The following CUBN variants were observed in gnomAD, a reference collection of about 807,000 sequenced individuals.
The protein encoded by CUBN is cubilin.
A neutral mutation model predicts 405.3 loss-of-function variants in CUBN; 282 were observed. The observed-to-expected ratio is 0.70, with a 90% CI of 0.63 to 0.77. CUBN has a LOEUF of 0.77. Ranked by LOEUF, CUBN falls within the 30% of genes least tolerant of loss-of-function variation. The pLI is 0.00. For missense variants in CUBN, 4,514 were observed against 4,475.2 expected, an observed-to-expected ratio of 1.01 and a Z score of -0.25; for synonymous variants, 1,684 against 1,617.0, an observed-to-expected ratio of 1.04 and a Z score of -0.99.
chr10:16,959,974 T>C (rs1843171324), intron 31 of CUBN, among the ~76,000 whole-genome samples: 2 of 152,220 alleles, frequency 1.3e-5, no homozygotes, highest in South Asian at 4.1e-4. Context: ...TTTGTACATG[T>C]CAACTAATTC....
At chr10:16,947,713 C>T (rs1037267806) in intron 35 of CUBN, among the ~76,000 whole-genome samples, 104 of 152,334 alleles carry the variant, frequency 6.8e-4, no homozygotes, top group Non-Finnish European at 1.2e-3. Context: ...TAGAACCCAA[C>T]GCAGCATGCT....
At chr10:16,874,293 G>T in intron 58 of CUBN, 81 bp downstream of exon 58, 1 of 1,400,412 alleles carries the variant, frequency 7.1e-7, no homozygotes, top group Non-Finnish European at 1.0e-6. Flanking sequence ...GAGAATCAGT[G>T]CCCTCCATCA....
At chr10:17,099,434 G>T (rs540115042) in intron 14 of CUBN, among the ~76,000 whole-genome samples, 3 of 152,282 alleles carry the variant, frequency 2.0e-5, no homozygotes, top group Non-Finnish European at 4.4e-5. Flanking sequence ...TAAAAAGGCT[G>T]TTCAGTAATT....
chr10:16,837,796 A>T (rs1275014564), intron 62 of CUBN, among the ~76,000 whole-genome samples: 1 of 151,894 alleles, frequency 6.6e-6, no homozygotes, highest in Non-Finnish European at 1.5e-5. Context: ...CCAGTCCGAA[A>T]CCCTTGATTG....
At chr10:17,114,322 T>A in intron 7 of CUBN, 133 bp from the exon 8 acceptor site, 1 of 872,496 alleles carries the variant, frequency 1.1e-6, no homozygotes, top group South Asian at 1.5e-5. Flanking sequence ...CTGGCTTCTC[T>A]TTTTCTTCCC....
chr10:16,858,067 C>T (rs1189765112), intron 59 of CUBN, among the ~76,000 whole-genome samples: 1 of 151,540 alleles, frequency 6.6e-6, no homozygotes, highest in Non-Finnish European at 1.5e-5. Flanking sequence ...ATAATCATTA[C>T]AAAAAAATGA....
chr10:17,028,698 G>C (rs1447441544), intron 27 of CUBN, among the ~76,000 whole-genome samples: 1 of 150,748 alleles, frequency 6.6e-6, no homozygotes, highest in Non-Finnish European at 1.5e-5. Flanking sequence ...TCAAGCCTGG[G>C]CAACAGAGTG....
chr10:16,898,425 G>T (rs1427800767), intron 54 of CUBN, among the ~76,000 whole-genome samples: 2 of 152,046 alleles, frequency 1.3e-5, no homozygotes, highest in African/African-American at 2.4e-5. Flanking sequence ...ATTTCCACTG[G>T]AAAGGCACAG....
At chr10:16,953,416 A>G (rs1486434543) in intron 32 of CUBN, among the ~76,000 whole-genome samples, 2 of 152,174 alleles carry the variant, frequency 1.3e-5, no homozygotes, top group Non-Finnish European at 2.9e-5. Context: ...ACTACAGAAT[A>G]TAAGCGAGTT....
chr10:17,019,912 G>A lies in CUBN; in HGVS notation c.4089C>T (p.Ser1363=). 1 of 1,614,150 alleles carries A rather than the reference G, an allele frequency of 6.2e-7. No individual in the cohort carries two copies. Among genetic ancestry groups the A allele is most frequent in the Non-Finnish European group, 8.5e-7 (1 of 1,179,996 alleles). The part of the protein sequence containing the change: ...VDLPPPGSTT[S]SKLQVLLLTD... ...TAAGGAGCAGCACTTGAAGCTTGGAGCTTGTAGTACTCCCTGGAGGGGGCA... is the reference window on the plus strand; with the variant it reads ...TAAGGAGCAGCACTTGAAGCTTGGAACTTGTAGTACTCCCTGGAGGGGGCA... Residue 1363 remains serine (S), a synonymous_variant, in exon 28 of 67, where the codon AGC becomes AGT. Coordinates refer to ENST00000377833, the MANE Select transcript of CUBN (RefSeq NM_001081.4).
chr10:16,968,176 T>C (rs1025346394), intron 31 of CUBN, among the ~76,000 whole-genome samples: 1 of 152,192 alleles, frequency 6.6e-6, no homozygotes, highest in Non-Finnish European at 1.5e-5. Context: ...ATCAGTGTTT[T>C]AAAAGGAAAC....
chr10:16,891,996 G>C (rs982902041), intron 54 of CUBN, among the ~76,000 whole-genome samples: 1 of 151,162 alleles, frequency 6.6e-6, no homozygotes, highest in Non-Finnish European at 1.5e-5. Context: ...TCTTCACATG[G>C]AATGATACCA....
At chr10:16,957,114 T>A (rs1373185553) in intron 31 of CUBN, among the ~76,000 whole-genome samples, 1 of 152,196 alleles carries the variant, frequency 6.6e-6, no homozygotes, top group Non-Finnish European at 1.5e-5. Context: ...CCTACTGTGT[T>A]ATAGAACATC....
At chr10:16,916,082 G>A (rs1253467305) in intron 45 of CUBN, 52 bp from the exon 46 acceptor site, 4 of 1,563,568 alleles carry the variant, frequency 2.6e-6, no homozygotes, top group African/African-American at 1.4e-5. Flanking sequence ...AAGCAAGAAA[G>A]ATTGATTCTA....
chr10:16,864,657 CTTTTTT>C (rs58100254), intron 59 of CUBN, among the ~76,000 whole-genome samples: 1 of 121,452 alleles, frequency 8.2e-6, no homozygotes, highest in South Asian at 2.7e-4. Flanking sequence ...TTTTTTCTTT[CTTTTTT>C]TTTTTTTTTT....
At chr10:16,830,298 G>A (rs1838944084) in intron 65 of CUBN, among the ~76,000 whole-genome samples, 1 of 152,122 alleles carries the variant, frequency 6.6e-6, no homozygotes, top group Non-Finnish European at 1.5e-5. Context: ...CTTCCTTTGG[G>A]TGCCAAGATT....
chr10:16,981,680 C>T (rs1188815646), intron 31 of CUBN, among the ~76,000 whole-genome samples: 2 of 152,132 alleles, frequency 1.3e-5, no homozygotes, highest in African/African-American at 4.8e-5. Context: ...GAGGGACCAG[C>T]CAGTTCTAGG....
At chr10:17,060,541 A>G (rs1231917004) in intron 22 of CUBN, among the ~76,000 whole-genome samples, 3 of 152,380 alleles carry the variant, frequency 2.0e-5, no homozygotes, top group Admixed American at 2.0e-4. Flanking sequence ...GAAATATAAC[A>G]AACAAGATAA....
At chr10:16,831,186 C>T (rs1838979260) in intron 65 of CUBN, 66 bp downstream of exon 65, 5 of 1,418,076 alleles carry the variant, frequency 3.5e-6, no homozygotes, top group Non-Finnish European at 5.0e-6. Context: ...GTTACTTTGC[C>T]TTTTACTATT....
Sources: gnomAD v4.1 joint callset for allele counts (sites outside exome capture counted in the v4.1 genomes callset) on GRCh38, gnomAD v4.1.1 for gene constraint, MANE v1.5 for transcripts, NCBI Gene and HGNC (gene_info 2026-07-23, HGNC 2026-07-21) for gene names.